The following EPHB1 variants were observed in gnomAD, a reference collection of about 807,000 sequenced individuals.
EPHB1 encodes the protein EPH receptor B1, also known as ephrin type-B receptor 1.
A neutral mutation model predicts 94.4 loss-of-function variants in EPHB1; 30 were observed. The ratio of observed to expected loss-of-function variants is 0.32; its 90% CI spans 0.24 to 0.43. The LOEUF (loss-of-function observed/expected upper bound fraction) is 0.43. Among genes scored for constraint, EPHB1 ranks in the 20% least tolerant of loss-of-function variants. The pLI, the probability that EPHB1 is intolerant of heterozygous loss-of-function variation, is 1.00. For synonymous variants in EPHB1, 522 were observed against 489.1 expected, an observed-to-expected ratio of 1.07 and a Z score of -0.89; for missense variants, 1,055 against 1,308.3, an observed-to-expected ratio of 0.81 and a Z score of 2.99.
intron 1 of EPHB1, among the ~76,000 whole-genome samples, chr3:134,866,235 A>T (rs991800499): frequency 2.6e-5 from 4 of 152,214 alleles, no homozygotes; most frequent in African/African-American, 9.7e-5. Flanking sequence ...CTCTTTCTAG[A>T]TGTATGTGGA....
At chr3:134,795,762 C>G in intron 1 of EPHB1, 73 bp downstream of exon 1, 1 of 1,515,932 alleles carries the variant, frequency 6.6e-7, no homozygotes, top group Non-Finnish European at 9.1e-7. Flanking sequence ...CCGCGGTTCG[C>G]GGGGTTCCTC....
At chr3:135,035,746 A>G (rs1331494612) in intron 3 of EPHB1, among the ~76,000 whole-genome samples, 2 of 152,214 alleles carry the variant, frequency 1.3e-5, no homozygotes, top group African/African-American at 2.4e-5. Context: ...GCCACTGCAC[A>G]TATACTTGCA....
At chr3:134,913,127 A>G (rs943647838) in intron 1 of EPHB1, among the ~76,000 whole-genome samples, 7 of 152,290 alleles carry the variant, frequency 4.6e-5, no homozygotes, top group African/African-American at 1.7e-4. Flanking sequence ...CCTTGCATCC[A>G]TAGTCGCCCC....
At chr3:134,981,611 A>C (rs1934405366) in intron 3 of EPHB1, among the ~76,000 whole-genome samples, 1 of 152,204 alleles carries the variant, frequency 6.6e-6, no homozygotes, top group South Asian at 2.1e-4. Flanking sequence ...TGACAACCAC[A>C]TGCTGTCATT....
intron 3 of EPHB1, among the ~76,000 whole-genome samples, chr3:134,982,451 G>T (rs1934440035): frequency 6.6e-6 from 1 of 152,176 alleles, no homozygotes; most frequent in African/African-American, 2.4e-5. Flanking sequence ...GTGTGTTCCT[G>T]CGTGAGAAGG....
At chr3:135,169,383 C>A (rs557746687) in intron 9 of EPHB1, among the ~76,000 whole-genome samples, 8 of 152,080 alleles carry the variant, frequency 5.3e-5, no homozygotes, top group Non-Finnish European at 1.2e-4. Context: ...CTTTTTAATT[C>A]GGTTTGCCTT....
At chr3:135,063,955 G>C (rs974628191) in intron 3 of EPHB1, among the ~76,000 whole-genome samples, 2 of 152,104 alleles carry the variant, frequency 1.3e-5, no homozygotes, top group Non-Finnish European at 2.9e-5. Flanking sequence ...AGATGATTAT[G>C]TGGTTTTTGT....
In EPHB1 at chr3:135,146,469, G is replaced by A. The variant is rs80163877; in HGVS notation, c.1298-7683G>A. Among the ~76,000 whole-genome samples, 29 of 152,304 alleles carry A rather than the reference G, an allele frequency of 1.9e-4. No homozygotes were observed. In the East Asian group the frequency reaches 2.3e-3, roughly 12 times the overall value. ...GCAGTGGCAGGGCCATGGGAGCATC[G>A]GGGGCTCCTGGGCCTGAGCCACACA... On this transcript the variant is annotated intron_variant, in intron 5 of 15. Coordinates refer to ENST00000398015, the MANE Select transcript of EPHB1 (RefSeq NM_004441.5).
chr3:134,906,457 G>A (rs1237302302), intron 1 of EPHB1, among the ~76,000 whole-genome samples: 1 of 152,030 alleles, frequency 6.6e-6, no homozygotes, highest in Non-Finnish European at 1.5e-5. Flanking sequence ...TCTTTTAATT[G>A]TACAATAAAA....
chr3:135,036,899 A>AT (rs1936663425), intron 3 of EPHB1, among the ~76,000 whole-genome samples: 1 of 152,106 alleles, frequency 6.6e-6, no homozygotes, highest in South Asian at 2.1e-4. Context: ...AGCAGTCCTG[A>AT]TGTGGCTATT....
chr3:135,048,083 A>G (rs1937053628), intron 3 of EPHB1, among the ~76,000 whole-genome samples: 1 of 152,090 alleles, frequency 6.6e-6, no homozygotes, highest in Non-Finnish European at 1.5e-5. Flanking sequence ...TGATGGCTCA[A>G]AAAGGAAGCA....
In EPHB1 at chr3:135,259,159, A is replaced by C; in HGVS notation, c.*39A>C. The C allele has an allele frequency of 1.3e-6, 2 of 1,525,504 alleles. No homozygotes were observed. Among genetic ancestry groups the C allele is most frequent in the Non-Finnish European group, 1.8e-6 (2 of 1,115,544 alleles). The allele number at this position is 1,525,504 out of a possible 1,614,324, so 94.5% of individuals were successfully genotyped here. A position where few individuals can be genotyped will look rare whatever the true frequency, so the allele number is the denominator to read the frequency against. ...TTGGGGAAGGAGAGGAGGGAAAAGG[A>C]CCAGGGTCAAGGGGGACCAGAGGTT... On this transcript the variant is annotated 3_prime_UTR_variant, in exon 16 of 16. Transcript: ENST00000398015.
intron 3 of EPHB1, among the ~76,000 whole-genome samples, chr3:134,987,702 C>T (rs928088959): frequency 7.9e-5 from 12 of 152,046 alleles, no homozygotes; most frequent in South Asian, 2.1e-4. Flanking sequence ...ACCCGGGAAG[C>T]GCAGATTGCA....
chr3:135,237,174 C>T (rs937473172), intron 12 of EPHB1, among the ~76,000 whole-genome samples: 1 of 151,952 alleles, frequency 6.6e-6, no homozygotes, highest in Non-Finnish European at 1.5e-5. Context: ...CTGTTGGCAT[C>T]ACACCTGCTG....
chr3:135,099,777 C>G (rs1458497680), intron 3 of EPHB1, among the ~76,000 whole-genome samples: 1 of 152,242 alleles, frequency 6.6e-6, no homozygotes, highest in Non-Finnish European at 1.5e-5. Context: ...ACCAACACCA[C>G]ACCTATCACA....
chr3:134,873,233 G>C (rs2037540486), intron 1 of EPHB1, among the ~76,000 whole-genome samples: 1 of 152,172 alleles, frequency 6.6e-6, no homozygotes, highest in East Asian at 1.9e-4. Flanking sequence ...AGTGAGTAGG[G>C]GCAGGCAGTG....
chr3:135,057,134 A>T (rs1576351393), intron 3 of EPHB1, among the ~76,000 whole-genome samples: 1 of 152,088 alleles, frequency 6.6e-6, no homozygotes, highest in Non-Finnish European at 1.5e-5. Flanking sequence ...GGGGCTGGGG[A>T]AGGAGCCTGG....
chr3:134,832,583 A>G (rs950439108), intron 1 of EPHB1, among the ~76,000 whole-genome samples: 1 of 152,198 alleles, frequency 6.6e-6, no homozygotes, highest in African/African-American at 2.4e-5. Flanking sequence ...TCCTTAATTC[A>G]CTGAAAACCT....
chr3:135,180,835 A>G (rs1232770518), intron 10 of EPHB1, among the ~76,000 whole-genome samples: 1 of 152,068 alleles, frequency 6.6e-6, no homozygotes, highest in Non-Finnish European at 1.5e-5. Flanking sequence ...AATTTGTTTT[A>G]TTTTCTTCTG....
Sources: gnomAD v4.1 joint callset for allele counts (sites outside exome capture counted in the v4.1 genomes callset) on GRCh38, gnomAD v4.1.1 for gene constraint, MANE v1.5 for transcripts, NCBI Gene and HGNC (gene_info 2026-07-23, HGNC 2026-07-21) for gene names.